The following PPP1R37 variants were observed in gnomAD, a reference collection of about 807,000 sequenced individuals.
PPP1R37 encodes the protein protein phosphatase 1 regulatory subunit 37, also known as leucine rich repeat containing 68.
In PPP1R37, 21 loss-of-function variants were observed where a neutral mutation model predicts 61.0. That is an observed-to-expected ratio of 0.34 (90% CI 0.24 to 0.50). The LOEUF is 0.50. Ranked by LOEUF, PPP1R37 falls within the 20% of genes least tolerant of loss-of-function variation. PPP1R37 has a pLI of 0.98. For synonymous variants in PPP1R37, 443 were observed against 433.5 expected, an observed-to-expected ratio of 1.02 and a Z score of -0.27; for missense variants, 910 against 952.7, an observed-to-expected ratio of 0.96 and a Z score of 0.59.
chr19:45,110,838 A>G (rs1968190780), intron 1 of PPP1R37, among the ~76,000 whole-genome samples: 1 of 152,072 alleles, frequency 6.6e-6, no homozygotes. Context: ...TAAAATTCCA[A>G]TCTAAAGCAC....
At chr19:45,101,690 C>G (rs1446130859) in intron 1 of PPP1R37, among the ~76,000 whole-genome samples, 1 of 151,816 alleles carries the variant, frequency 6.6e-6, no homozygotes, top group Non-Finnish European at 1.5e-5. Flanking sequence ...TGCCCTCCAG[C>G]CTATGTGACA....
At chr19:45,096,772 G>A (rs895784409) in intron 1 of PPP1R37, among the ~76,000 whole-genome samples, 1 of 152,062 alleles carries the variant, frequency 6.6e-6, no homozygotes, top group African/African-American at 2.4e-5. Flanking sequence ...GGTCTGGTTG[G>A]GACTCACACT....
intron 1 of PPP1R37, among the ~76,000 whole-genome samples, chr19:45,110,745 G>A (rs1229774443): frequency 6.6e-6 from 1 of 152,198 alleles, no homozygotes; most frequent in African/African-American, 2.4e-5. Context: ...AAGGAGGAAG[G>A]TGAGGGTGGG....
chr19:45,102,731 A>G (rs1471126792), intron 1 of PPP1R37, among the ~76,000 whole-genome samples: 1 of 152,100 alleles, frequency 6.6e-6, no homozygotes, highest in African/African-American at 2.4e-5. Flanking sequence ...ATTTTGCCAG[A>G]TGAGGACTCT....
chr19:45,117,136 C>A (rs1968279005), intron 1 of PPP1R37, among the ~76,000 whole-genome samples: 1 of 152,058 alleles, frequency 6.6e-6, no homozygotes, highest in South Asian at 2.1e-4. Flanking sequence ...TGGTCTCGAA[C>A]TCCTGACCTC....
At chr19:45,141,770 G>A (rs1447686783) in intron 5 of PPP1R37, among the ~76,000 whole-genome samples, 1 of 152,224 alleles carries the variant, frequency 6.6e-6, no homozygotes, top group Non-Finnish European at 1.5e-5. Flanking sequence ...GTGGAGGGAC[G>A]GGACGGGGCT....
chr19:45,126,041 G>A (rs962589267), intron 1 of PPP1R37, among the ~76,000 whole-genome samples: 4 of 152,216 alleles, frequency 2.6e-5, no homozygotes, highest in African/African-American at 4.8e-5. Context: ...TCCAGATAGG[G>A]GTGGATGGTG....
intron 1 of PPP1R37, among the ~76,000 whole-genome samples, chr19:45,111,414 A>T (rs927865566): frequency 6.6e-6 from 1 of 152,120 alleles, no homozygotes; most frequent in Non-Finnish European, 1.5e-5. Context: ...AGCTGGGATT[A>T]CAAGTGCGCA....
intron 1 of PPP1R37, among the ~76,000 whole-genome samples, chr19:45,099,670 T>G (rs1470500279): frequency 6.6e-6 from 1 of 152,264 alleles, no homozygotes; most frequent in Non-Finnish European, 1.5e-5. Context: ...TCGCATCTAT[T>G]TCCCCCTTCA....
At position 45,112,110 on chromosome 19, in the gene PPP1R37, T is replaced by C. The variant is rs1968209066; in HGVS notation, c.202+18583T>C. 2.6e-5 allele frequency among the ~76,000 whole-genome samples: 4 copies of C among 152,202 alleles called. No individual in the cohort carries two copies. The South Asian group carries it at 8.3e-4, about 32-fold the overall frequency. ...CAGCCTCCCAAATCCCAGCTGGGATTACAGGCTCCTGCCACCACACCTGGC... is the reference window on the plus strand; with the variant it reads ...CAGCCTCCCAAATCCCAGCTGGGATCACAGGCTCCTGCCACCACACCTGGC... On this transcript the variant is annotated intron_variant, in intron 1 of 12. Coordinates refer to ENST00000221462, the MANE Select transcript of PPP1R37 (RefSeq NM_019121.2).
chr19:45,112,069 G>A (rs896238002), intron 1 of PPP1R37, among the ~76,000 whole-genome samples: 2 of 151,696 alleles, frequency 1.3e-5, no homozygotes, highest in Non-Finnish European at 2.9e-5. Flanking sequence ...CCTGAATTCA[G>A]GCGATTCTCC....
intron 1 of PPP1R37, among the ~76,000 whole-genome samples, chr19:45,116,471 A>G (rs542516831): frequency 6.6e-6 from 1 of 152,320 alleles, no homozygotes; most frequent in African/African-American, 2.4e-5. Flanking sequence ...CCTGCCGGGA[A>G]GGGCAGAGAA....
rs555156819 is a variant in PPP1R37 at position 45,142,832 on chromosome 19, G to A, written c.874+374G>A. On this transcript the variant is annotated intron_variant, in intron 7 of 12. Coordinates refer to ENST00000221462, the MANE Select transcript of PPP1R37 (RefSeq NM_019121.2). ...AGATGGGAGAGGAGGGAAGACCACC[G>A]TGGGGCGGGGCCTCTGGGCTTCCAT... 26 of 231,274 alleles carry A rather than the reference G, an allele frequency of 1.1e-4. No individual in the cohort carries two copies. The East Asian group carries it at 2.2e-3, about 20-fold the overall frequency. 14.3% of individuals were successfully genotyped at this position (231,274 alleles called of 1,614,324 possible). A position where few individuals can be genotyped will look rare whatever the true frequency, so the allele number is the denominator to read the frequency against.
intron 1 of PPP1R37, among the ~76,000 whole-genome samples, chr19:45,113,047 G>C (rs970128896): frequency 3.3e-5 from 5 of 152,106 alleles, no homozygotes; most frequent in Non-Finnish European, 5.9e-5. Flanking sequence ...TCCTGCCCTC[G>C]ACAGCTTAGA....
chr19:45,115,095 C>T (rs1015622748), intron 1 of PPP1R37, among the ~76,000 whole-genome samples: 4 of 152,160 alleles, frequency 2.6e-5, no homozygotes, highest in Admixed American at 2.0e-4. Context: ...GTACTGGGGA[C>T]ACAGCAGTGG....
intron 1 of PPP1R37, among the ~76,000 whole-genome samples, chr19:45,112,195 G>A (rs2091902129): frequency 6.6e-6 from 1 of 151,964 alleles, no homozygotes; most frequent in South Asian, 2.1e-4. Context: ...GCTGGTCTTG[G>A]AACTCCTGAC....
intron 1 of PPP1R37, among the ~76,000 whole-genome samples, chr19:45,112,986 C>T (rs1384504196): frequency 6.6e-6 from 1 of 152,202 alleles, no homozygotes; most frequent in Non-Finnish European, 1.5e-5. Context: ...CCTGAGTGTT[C>T]AAGATTCCTT....
chr19:45,115,046 G>A (rs1321402315), intron 1 of PPP1R37, among the ~76,000 whole-genome samples: 1 of 152,160 alleles, frequency 6.6e-6, no homozygotes, highest in African/African-American at 2.4e-5. Context: ...AGTGGTTCAG[G>A]CATGCATTCA....
intron 1 of PPP1R37, among the ~76,000 whole-genome samples, chr19:45,123,900 G>C (rs761967829): frequency 1.3e-5 from 2 of 152,116 alleles, no homozygotes; most frequent in Admixed American, 6.5e-5. Flanking sequence ...GGAGTAGACC[G>C]GGCCCTTCCT....
Sources: allele counts gnomAD v4.1 joint callset (sites outside exome capture counted in the v4.1 genomes callset), GRCh38; gene constraint gnomAD v4.1.1; transcripts MANE v1.5; gene names NCBI Gene and HGNC (gene_info 2026-07-23, HGNC 2026-07-21).